LMO1: variants seen among roughly 807,000 people sequenced by gnomAD.
LMO1 encodes the protein LIM domain only 1.
A neutral mutation model predicts 18.0 loss-of-function variants in LMO1; 10 were observed. The observed-to-expected ratio is 0.55, with a 90% CI of 0.34 to 0.94. The LOEUF (loss-of-function observed/expected upper bound fraction) is 0.94. Ranked by LOEUF, LMO1 falls within the 40% of genes least tolerant of loss-of-function variation. LMO1 has a pLI of 0.02. For missense variants in LMO1, 183 were observed against 205.7 expected, an observed-to-expected ratio of 0.89 and a Z score of 0.68; for synonymous variants, 77 against 77.9, an observed-to-expected ratio of 0.99 and a Z score of 0.06.
intron 1 of LMO1, among the ~76,000 whole-genome samples, chr11:8,241,639 C>T (rs1846794890): frequency 6.6e-6 from 1 of 152,228 alleles, no homozygotes; most frequent in Non-Finnish European, 1.5e-5. Flanking sequence ...TCCTTCTCAT[C>T]TTCAAGCTTC....
At chr11:8,231,354 G>A (rs12577949) in intron 1 of LMO1, among the ~76,000 whole-genome samples, 8,939 of 152,308 alleles carry the variant, frequency 0.059, 685 homozygotes, top group East Asian at 0.34. Flanking sequence ...GAGCATGTGC[G>A]CTCACACACA....
chr11:8,226,421 G>C (rs1265396142), intron 3 of LMO1, among the ~76,000 whole-genome samples: 1 of 152,176 alleles, frequency 6.6e-6, no homozygotes, highest in Admixed American at 6.5e-5. Flanking sequence ...GTTGAGGCAG[G>C]AGAATCACTT....
At chr11:8,241,998 TGGCCAGAGTG>T (rs976945270) in intron 1 of LMO1, among the ~76,000 whole-genome samples, 10 of 152,188 alleles carry the variant, frequency 6.6e-5, no homozygotes, top group Non-Finnish European at 1.5e-4. Flanking sequence ...AAGAATCTGC[TGGCCAGAGTG>T]GGCCAATTCA....
At chr11:8,231,289 A>G (rs920453244) in intron 1 of LMO1, among the ~76,000 whole-genome samples, 1 of 152,210 alleles carries the variant, frequency 6.6e-6, no homozygotes, top group East Asian at 1.9e-4. Context: ...GGCACCAAGT[A>G]CAAAGGGCCC....
intron 1 of LMO1, among the ~76,000 whole-genome samples, chr11:8,242,251 C>G (rs1364274418): frequency 1.3e-5 from 2 of 152,186 alleles, no homozygotes; most frequent in Non-Finnish European, 1.5e-5. Flanking sequence ...GATAAAAGAG[C>G]AGCAAAAACG....
intron 1 of LMO1, among the ~76,000 whole-genome samples, chr11:8,252,205 TCTCTGGAC>T (rs1420751535): frequency 6.6e-6 from 1 of 152,158 alleles, no homozygotes; most frequent in East Asian, 1.9e-4. Flanking sequence ...TGTCTTTTCC[TCTCTGGAC>T]ACAACCTAGT....
Position 8,229,411 on chromosome 11 carries a change from C to T in LMO1, c.239+880G>A, listed in dbSNP as rs114484375. ...CCTGGGCAGAGGGAGCCCCATGAAG[C>T]CCTTGCCCCGACCTGTTAATTAATG... is the stretch of plus-strand genomic sequence containing the variant. On this transcript the variant is annotated intron_variant, in intron 2 of 3. Transcript: ENST00000335790. Among the ~76,000 whole-genome samples, 1,096 of 152,310 alleles carry T rather than the reference C, an allele frequency of 7.2e-3. 16 individuals are homozygous for T. The highest frequency in any genetic ancestry group is 0.025 in the African/African-American group (1,053 of 41,562).
intron 2 of LMO1, among the ~76,000 whole-genome samples, chr11:8,229,603 G>T (rs1195928933): frequency 1.3e-5 from 2 of 152,300 alleles, no homozygotes; most frequent in East Asian, 3.9e-4. Context: ...TGGCCCCAGG[G>T]AATAGGATCC....
chr11:8,261,829 G>T (rs1435740851), intron 1 of LMO1, among the ~76,000 whole-genome samples: 1 of 152,038 alleles, frequency 6.6e-6, no homozygotes, highest in Non-Finnish European at 1.5e-5. Flanking sequence ...GCCTACATGG[G>T]GCTCCAGGGA....
chr11:8,224,484 G>A lies in LMO1; in HGVS notation c.*132C>T, dbSNP rs927235554. The stretch of plus-strand genomic sequence containing the variant: ...AGGAGGAAGGGCCATCCCTCCCATC[G>A]AGGACGGAGAAGTTCTAATGTGGCA... On this transcript the variant is annotated 3_prime_UTR_variant, in exon 4 of 4. Coordinates refer to ENST00000335790, the MANE Select transcript of LMO1 (RefSeq NM_002315.3). 23 of 633,184 alleles carry A rather than the reference G, an allele frequency of 3.6e-5. No individual in the cohort carries two copies. The South Asian group carries it at 4.1e-4, about 11-fold the overall frequency. The allele number at this position is 633,184 out of a possible 1,614,324, so 39.2% of individuals were successfully genotyped here. A position where few individuals can be genotyped will look rare whatever the true frequency, so the allele number is the denominator to read the frequency against.
chr11:8,264,756 C>T (rs986727241), upstream of LMO1, among the ~76,000 whole-genome samples: 12 of 152,108 alleles, frequency 7.9e-5, no homozygotes, highest in Non-Finnish European at 1.0e-4. Context: ...CTCAGCCTTC[C>T]GAGTAGCTGG....
upstream of LMO1, among the ~76,000 whole-genome samples, chr11:8,266,475 A>C (rs1450070399): frequency 3.3e-5 from 5 of 151,572 alleles, no homozygotes; most frequent in African/African-American, 1.2e-4. Flanking sequence ...GTTTTCCCCC[A>C]ACACATTCCA....
upstream of LMO1, chr11:8,263,930 A>C (rs1590569998): frequency 3.1e-6 from 3 of 976,628 alleles, no homozygotes; most frequent in South Asian, 4.9e-5. Context: ...TGAGGCCTCC[A>C]CCCTCCCGGG....
At chr11:8,240,890 C>T (rs1419781346) in intron 1 of LMO1, among the ~76,000 whole-genome samples, 1 of 151,980 alleles carries the variant, frequency 6.6e-6, no homozygotes, top group Non-Finnish European at 1.5e-5. Context: ...GCAGTCTGCT[C>T]TCACAGCCTC....
upstream of LMO1, among the ~76,000 whole-genome samples, chr11:8,264,825 G>A (rs1350856239): frequency 6.6e-6 from 1 of 152,082 alleles, no homozygotes; most frequent in Non-Finnish European, 1.5e-5. Flanking sequence ...TAGAGACGGG[G>A]TTTTACCATA....
intron 1 of LMO1, among the ~76,000 whole-genome samples, chr11:8,254,597 G>C (rs1237844002): frequency 4.0e-5 from 5 of 125,178 alleles, no homozygotes; most frequent in African/African-American, 1.2e-4. Context: ...AGGCAACGGG[G>C]ACTGACCTGA....
intron 1 of LMO1, among the ~76,000 whole-genome samples, chr11:8,234,509 T>C (rs896217799): frequency 2.0e-5 from 3 of 152,122 alleles, no homozygotes; most frequent in African/African-American, 7.2e-5. Flanking sequence ...CAGGCTCCAG[T>C]ACTACCAGTG....
upstream of LMO1, among the ~76,000 whole-genome samples, chr11:8,264,867 G>A (rs1424397966): frequency 1.3e-5 from 2 of 152,118 alleles, no homozygotes; most frequent in East Asian, 3.9e-4. Flanking sequence ...TCCTGACCTC[G>A]TGATCCACCC....
chr11:8,260,294 C>G (rs891397747), intron 1 of LMO1, among the ~76,000 whole-genome samples: 2 of 152,186 alleles, frequency 1.3e-5, no homozygotes, highest in Non-Finnish European at 2.9e-5. Flanking sequence ...CTGGTGCCAG[C>G]CCAAGCCGCA....
Sources: allele counts gnomAD v4.1 joint callset (sites outside exome capture counted in the v4.1 genomes callset), GRCh38; gene constraint gnomAD v4.1.1; transcripts MANE v1.5; gene names NCBI Gene and HGNC (gene_info 2026-07-23, HGNC 2026-07-21).